CNTN4: variants seen among roughly 807,000 people sequenced by gnomAD.
CNTN4 encodes contactin 4.
A neutral mutation model predicts 122.5 loss-of-function variants in CNTN4; 77 were observed. That is an observed-to-expected ratio of 0.63 (90% CI 0.52 to 0.76). The LOEUF is 0.76. CNTN4 is among the 30% of genes least tolerant of loss of function. The probability of loss-of-function intolerance (pLI) is 0.00; values close to 1 mark genes in which losing one functional copy is unlikely to be tolerated. For synonymous variants in CNTN4, 512 were observed against 447.0 expected, an observed-to-expected ratio of 1.15 and a Z score of -1.83; for missense variants, 1,256 against 1,259.1, an observed-to-expected ratio of 1.00 and a Z score of 0.04.
At chr3:2,549,948 A>G (rs1287061507) in intron 3 of CNTN4, among the ~76,000 whole-genome samples, 2 of 152,040 alleles carry the variant, frequency 1.3e-5, no homozygotes. Context: ...GTATCCAGCA[A>G]TTCATCCATT....
In CNTN4 at chr3:2,961,266, G is replaced by A. The variant is rs2094856221; in HGVS notation, c.1359-27079G>A. Among the ~76,000 whole-genome samples, 3 of 127,720 alleles carry A rather than the reference G, an allele frequency of 2.3e-5. No individual in the cohort carries two copies. The South Asian group carries it at 8.3e-4, about 35-fold the overall frequency. 83.8% of individuals were successfully genotyped at this position (127,720 alleles called of 152,430 possible). A position where few individuals can be genotyped will look rare whatever the true frequency, so the allele number is the denominator to read the frequency against. Reference sequence around the variant, plus strand: ...AAAAAAAAAAGGCCTACTGAATATTGAATGAAGAGGAGACAATGGCCTAGT... The same window carrying A: ...AAAAAAAAAAGGCCTACTGAATATTAAATGAAGAGGAGACAATGGCCTAGT... On this transcript the variant is annotated intron_variant, in intron 13 of 24. Coordinates refer to ENST00000418658, the MANE Select transcript of CNTN4 (RefSeq NM_175607.3).
At chr3:2,978,662 T>A (rs1693652466) in intron 13 of CNTN4, among the ~76,000 whole-genome samples, 1 of 152,218 alleles carries the variant, frequency 6.6e-6, no homozygotes, top group African/African-American at 2.4e-5. Context: ...AATGACAGGC[T>A]CGCTGACACG....
At chr3:2,548,982 A>G (rs888314991) in intron 3 of CNTN4, among the ~76,000 whole-genome samples, 7 of 151,668 alleles carry the variant, frequency 4.6e-5, no homozygotes, top group Non-Finnish European at 5.9e-5. Flanking sequence ...CTGTTTGTCT[A>G]TTTTTGGTGT....
intron 3 of CNTN4, among the ~76,000 whole-genome samples, chr3:2,567,552 C>A (rs561126068): frequency 6.6e-6 from 1 of 152,308 alleles, no homozygotes; most frequent in East Asian, 1.9e-4. Context: ...AGTACCTAAG[C>A]TCAGTGCTTT....
intron 3 of CNTN4, among the ~76,000 whole-genome samples, chr3:2,435,622 C>A (rs994365068): frequency 6.6e-6 from 1 of 152,142 alleles, no homozygotes; most frequent in African/African-American, 2.4e-5. Flanking sequence ...TTTAGTTACT[C>A]ATCTTCTTAG....
intron 4 of CNTN4, among the ~76,000 whole-genome samples, chr3:2,644,548 T>G (rs190727109): frequency 6.6e-6 from 1 of 151,878 alleles, no homozygotes; most frequent in African/African-American, 2.4e-5. Flanking sequence ...TCAATTCAGA[T>G]GTATACTTTA....
intron 3 of CNTN4, among the ~76,000 whole-genome samples, chr3:2,352,632 C>A (rs1006374514): frequency 1.3e-5 from 2 of 152,154 alleles, no homozygotes; most frequent in African/African-American, 4.8e-5. Flanking sequence ...CCCCTTGGTG[C>A]AGGGCTCAGG....
intron 6 of CNTN4, among the ~76,000 whole-genome samples, chr3:2,804,690 G>A (rs965579161): frequency 1.3e-5 from 2 of 151,006 alleles, no homozygotes; most frequent in Non-Finnish European, 2.9e-5. Flanking sequence ...TCTGAGATCT[G>A]GAATATCTTC....
chr3:2,263,217 C>CATACTATTCTTATTTG (rs2040908917), intron 2 of CNTN4, among the ~76,000 whole-genome samples: 1 of 152,042 alleles, frequency 6.6e-6, no homozygotes, highest in Non-Finnish European at 1.5e-5. Flanking sequence ...AACACTGTTG[C>CATACTATTCTTATTTG]TGGGTAGATT....
At chr3:2,804,495 C>A (rs1012262505) in intron 6 of CNTN4, among the ~76,000 whole-genome samples, 1 of 152,052 alleles carries the variant, frequency 6.6e-6, no homozygotes, top group Non-Finnish European at 1.5e-5. Flanking sequence ...TCAGAGGATT[C>A]GATTTTATGT....
At chr3:2,886,057 C>T (rs750794371) in intron 9 of CNTN4, among the ~76,000 whole-genome samples, 57 of 152,086 alleles carry the variant, frequency 3.7e-4, no homozygotes, top group Non-Finnish European at 7.8e-4. Flanking sequence ...ATTTATTAGT[C>T]AAAGTGGTTA....
At chr3:2,670,335 A>G (rs1011491671) in intron 4 of CNTN4, among the ~76,000 whole-genome samples, 1 of 152,028 alleles carries the variant, frequency 6.6e-6, no homozygotes, top group Non-Finnish European at 1.5e-5. Flanking sequence ...TGATCCCTTT[A>G]CCATTATGTA....
intron 3 of CNTN4, among the ~76,000 whole-genome samples, chr3:2,504,779 G>T (rs1021653624): frequency 2.6e-5 from 4 of 152,200 alleles, no homozygotes; most frequent in African/African-American, 7.2e-5. Context: ...CAAAACATTT[G>T]AATTAATCAC....
intron 2 of CNTN4, among the ~76,000 whole-genome samples, chr3:2,196,643 A>G (rs1326706821): frequency 1.3e-5 from 2 of 152,122 alleles, no homozygotes; most frequent in East Asian, 1.9e-4. Flanking sequence ...AATATAGACA[A>G]GGGATCTTGC....
At chr3:2,127,248 G>A (rs2034220466) in intron 2 of CNTN4, among the ~76,000 whole-genome samples, 1 of 152,140 alleles carries the variant, frequency 6.6e-6, no homozygotes, top group South Asian at 2.1e-4. Flanking sequence ...TGCTGTGGGT[G>A]AAGGGGTGGC....
At chr3:2,360,227 G>A (rs2045068614) in intron 3 of CNTN4, among the ~76,000 whole-genome samples, 1 of 152,096 alleles carries the variant, frequency 6.6e-6, no homozygotes, top group African/African-American at 2.4e-5. Flanking sequence ...TTCTGTTTGA[G>A]AACTTCTAAA....
At chr3:2,838,560 TA>T (rs11394928) in intron 7 of CNTN4, among the ~76,000 whole-genome samples, 23,203 of 127,908 alleles carry the variant, frequency 0.18, 2,002 homozygotes, top group East Asian at 0.31. Context: ...CTATGGTTTG[TA>T]AAAAAAAAAA....
At chr3:2,792,578 C>A (rs575274341) in intron 6 of CNTN4, among the ~76,000 whole-genome samples, 1 of 152,334 alleles carries the variant, frequency 6.6e-6, no homozygotes, top group South Asian at 2.1e-4. Context: ...TTAGCAAATG[C>A]ACTCAGATTT....
chr3:2,526,134 C>G (rs562550451), intron 3 of CNTN4, among the ~76,000 whole-genome samples: 5 of 152,254 alleles, frequency 3.3e-5, no homozygotes, highest in African/African-American at 1.2e-4. Context: ...TTACCCATCC[C>G]TGGCACTATG....
Sources: allele counts gnomAD v4.1 joint callset (sites outside exome capture counted in the v4.1 genomes callset), GRCh38; gene constraint gnomAD v4.1.1; transcripts MANE v1.5; gene names NCBI Gene and HGNC (gene_info 2026-07-23, HGNC 2026-07-21).